The following SNRPD1 variants were observed in gnomAD, a reference collection of about 807,000 sequenced individuals.
SNRPD1 encodes small nuclear ribonucleoprotein Sm D1.
Under a neutral mutation model 14.4 loss-of-function variants are expected in SNRPD1, and 1 was observed. That is an observed-to-expected ratio of 0.07 (90% CI 0.02 to 0.33). The LOEUF is 0.33. Among genes scored for constraint, SNRPD1 ranks in the 10% least tolerant of loss-of-function variants. The probability of loss-of-function intolerance (pLI) is 1.00; values close to 1 mark genes in which losing one functional copy is unlikely to be tolerated. For synonymous variants in SNRPD1, 42 were observed against 50.3 expected (o/e 0.83, Z 0.70); for missense variants, 52 against 146.4 (o/e 0.36, Z 3.33).
At chr18:21,621,215 C>G (rs953146027) in intron 1 of SNRPD1, among the ~76,000 whole-genome samples, 1 of 151,886 alleles carries the variant, frequency 6.6e-6, no homozygotes, top group African/African-American at 2.4e-5. Flanking sequence ...TAAGGAAAAG[C>G]AAATTTTTTC....
At chr18:21,613,724 G>T (rs369799095) in intron 1 of SNRPD1, among the ~76,000 whole-genome samples, 1 of 151,548 alleles carries the variant, frequency 6.6e-6, no homozygotes, top group African/African-American at 2.4e-5. Flanking sequence ...GCGTGGTGGC[G>T]CGCGCCTTTA....
At chr18:21,614,885 C>T (rs2038946145) in intron 1 of SNRPD1, among the ~76,000 whole-genome samples, 1 of 152,182 alleles carries the variant, frequency 6.6e-6, no homozygotes, top group Non-Finnish European at 1.5e-5. Context: ...GTGTATTTGT[C>T]CTGCCCATAG....
intron 3 of SNRPD1, among the ~76,000 whole-genome samples, chr18:21,624,805 CCT>C (rs1294617355): frequency 6.6e-6 from 1 of 151,850 alleles, no homozygotes; most frequent in African/African-American, 2.4e-5. Context: ...AAAAAAACCC[CCT>C]GTGGGTACCA....
intron 3 of SNRPD1, among the ~76,000 whole-genome samples, chr18:21,625,113 G>A (rs977184191): frequency 2.6e-5 from 4 of 151,706 alleles, no homozygotes; most frequent in Non-Finnish European, 5.9e-5. Context: ...ATCTGAGGAT[G>A]TTTTGCTTTA....
At chr18:21,612,551 C>T (rs1459621275) in intron 1 of SNRPD1, 108 bp downstream of exon 1, 4 of 853,990 alleles carry the variant, frequency 4.7e-6, no homozygotes, top group African/African-American at 1.7e-5. Flanking sequence ...CGCGTGTGCG[C>T]GGCCTGCTAA....
At chr18:21,613,594 C>G (rs1383262759) in intron 1 of SNRPD1, among the ~76,000 whole-genome samples, 1 of 152,016 alleles carries the variant, frequency 6.6e-6, no homozygotes, top group Non-Finnish European at 1.5e-5. Context: ...CAGTGGCTCA[C>G]GTCTGTAATC....
At chr18:21,618,337 GT>G (rs113993132) in intron 1 of SNRPD1, among the ~76,000 whole-genome samples, 2,689 of 149,426 alleles carry the variant, frequency 0.018, 79 homozygotes, top group African/African-American at 0.06. Context: ...AAAAACCTCT[GT>G]TTAAAAAAAA....
At chr18:21,617,037 T>C (rs2038962998) in intron 1 of SNRPD1, among the ~76,000 whole-genome samples, 1 of 152,200 alleles carries the variant, frequency 6.6e-6, no homozygotes, top group Non-Finnish European at 1.5e-5. Flanking sequence ...TGGATTACTT[T>C]TGGAAAATGG....
In SNRPD1 at chr18:21,629,341, A is replaced by T. The variant is rs1403232665; in HGVS notation, c.*203A>T. 4.2e-6 allele frequency: 2 copies of T among 479,128 alleles called. No individual in the cohort carries two copies. Among genetic ancestry groups the T allele is most frequent in the Non-Finnish European group, 7.5e-6 (2 of 268,194 alleles). The allele number at this position is 479,128 out of a possible 1,614,324, so 29.7% of individuals were successfully genotyped here. On this transcript the variant is annotated 3_prime_UTR_variant, in exon 4 of 4. Coordinates refer to ENST00000300413, the MANE Select transcript of SNRPD1 (RefSeq NM_006938.4). ...TACTGGGCAGTTTCATTTTTAGTTG[A>T]TCAGGTTTTAAGTTTTTGAACTAAA...
At chr18:21,628,253 ACCTGTAGTC>A (rs1736800019) in intron 3 of SNRPD1, among the ~76,000 whole-genome samples, 2 of 152,084 alleles carry the variant, frequency 1.3e-5, no homozygotes, top group African/African-American at 2.4e-5. Flanking sequence ...GATGGTTTGT[ACCTGTAGTC>A]CCAGCTACTC....
intron 1 of SNRPD1, among the ~76,000 whole-genome samples, chr18:21,620,646 C>T (rs1023541911): frequency 5.9e-5 from 9 of 151,982 alleles, no homozygotes; most frequent in Admixed American, 5.9e-4. Flanking sequence ...TTTTTACAAT[C>T]TTGGCATAGA....
intron 1 of SNRPD1, among the ~76,000 whole-genome samples, chr18:21,621,022 G>A (rs965296277): frequency 9.2e-5 from 14 of 151,914 alleles, no homozygotes; most frequent in African/African-American, 3.4e-4. Flanking sequence ...CAAAAAATTA[G>A]CCAGGTGTGG....
At chr18:21,612,654 T>G (rs2038927597) in intron 1 of SNRPD1, among the ~76,000 whole-genome samples, 2 of 152,270 alleles carry the variant, frequency 1.3e-5, no homozygotes, top group African/African-American at 2.4e-5. Context: ...GAGATTGGTA[T>G]AAAGGCCGAG....
intron 2 of SNRPD1, among the ~76,000 whole-genome samples, 174 bp downstream of exon 2, chr18:21,622,975 G>A (rs927065885): frequency 2.0e-5 from 3 of 150,442 alleles, no homozygotes; most frequent in South Asian, 2.1e-4. Flanking sequence ...CACCTGGGCC[G>A]GAGTGCAGTG....
rs771463023 is a variant in SNRPD1 at position 21,623,827 on chromosome 18, G to A, written c.171G>A (p.Thr57=). The change falls in exon 3 of 4, where the codon ACG becomes ACA. Residue 57 remains threonine, a synonymous_variant. Transcript: ENST00000300413. The part of the protein sequence containing the change: ...LKNREPVQLE[T]LSIRGNNIRY... ...ACAGAGAACCTGTACAGCTGGAAAC[G>A]CTGAGTATTCGAGGAAATAACATTC... 117 of 1,612,860 alleles carry A rather than the reference G, an allele frequency of 7.3e-5. No homozygotes were observed. Among genetic ancestry groups the A allele is most frequent in the South Asian group, 2.4e-4 (22 of 91,040 alleles).
chr18:21,617,531 T>A (rs1359404907), intron 1 of SNRPD1, among the ~76,000 whole-genome samples: 3 of 152,240 alleles, frequency 2.0e-5, no homozygotes, highest in Admixed American at 6.5e-5. Flanking sequence ...TTCTAAAATC[T>A]GTTTCTGAAC....
At chr18:21,614,132 G>A (rs1348817880) in intron 1 of SNRPD1, among the ~76,000 whole-genome samples, 1 of 151,932 alleles carries the variant, frequency 6.6e-6, no homozygotes, top group Non-Finnish European at 1.5e-5. Context: ...AATTAGCCGG[G>A]CATGGTGGCG....
intron 1 of SNRPD1, 73 bp from the exon 2 acceptor site, chr18:21,622,651 TG>T: frequency 1.4e-6 from 1 of 729,194 alleles, no homozygotes; most frequent in Non-Finnish European, 2.5e-6. Flanking sequence ...AACATCGAGT[TG>T]TTTCACCCTT....
intron 3 of SNRPD1, among the ~76,000 whole-genome samples, chr18:21,626,334 C>T (rs1023825093): frequency 4.3e-5 from 6 of 138,088 alleles, no homozygotes; most frequent in African/African-American, 8.3e-5. Context: ...ATGGAGGCTC[C>T]GGTGAGCCGA....
Sources: allele counts gnomAD v4.1 joint callset (sites outside exome capture counted in the v4.1 genomes callset), GRCh38; gene constraint gnomAD v4.1.1; transcripts MANE v1.5; gene names NCBI Gene and HGNC (gene_info 2026-07-23, HGNC 2026-07-21).